SYT16: variants seen among roughly 807,000 people sequenced by gnomAD.
SYT16 encodes the protein synaptotagmin 16.
SYT16 carries 42 observed loss-of-function variants against 61.4 expected under a neutral mutation model. The ratio of observed to expected loss-of-function variants is 0.68; its 90% CI spans 0.53 to 0.89. The LOEUF is 0.89. Among genes scored for constraint, SYT16 ranks in the 40% least tolerant of loss-of-function variants. The pLI, the probability that SYT16 is intolerant of heterozygous loss-of-function variation, is 0.00. For missense variants in SYT16, 804 were observed against 807.3 expected (o/e 1.00, Z 0.05); for synonymous variants, 314 against 302.3 (o/e 1.04, Z -0.40).
intron 1 of SYT16, among the ~76,000 whole-genome samples, chr14:61,941,062 G>A (rs1419566095): frequency 6.6e-6 from 1 of 152,186 alleles, no homozygotes; most frequent in Non-Finnish European, 1.5e-5. Flanking sequence ...GGACGGGCAT[G>A]TTACAATGGG....
At chr14:61,989,418 C>G (rs1048154688) in intron 2 of SYT16, among the ~76,000 whole-genome samples, 1 of 152,030 alleles carries the variant, frequency 6.6e-6, no homozygotes, top group African/African-American at 2.4e-5. Flanking sequence ...CAAAAATTAG[C>G]CAGGCCTGAT....
chr14:62,095,408 A>G (rs1344511364), intron 7 of SYT16, among the ~76,000 whole-genome samples: 1 of 152,030 alleles, frequency 6.6e-6, no homozygotes, highest in Non-Finnish European at 1.5e-5. Context: ...GAAAATCTAT[A>G]AAGTAATATT....
At chr14:61,880,671 A>G (rs2047669829) in intron 1 of SYT16, among the ~76,000 whole-genome samples, 1 of 152,134 alleles carries the variant, frequency 6.6e-6, no homozygotes, top group Non-Finnish European at 1.5e-5. Context: ...TTATAGGTTA[A>G]ATACATATTT....
intron 1 of SYT16, among the ~76,000 whole-genome samples, chr14:61,870,713 T>C (rs1035297517): frequency 6.6e-6 from 1 of 152,220 alleles, no homozygotes. Context: ...CTAAATCTTC[T>C]ACAATAACTA....
At chr14:61,936,329 A>G (rs535937813) in intron 1 of SYT16, among the ~76,000 whole-genome samples, 2 of 152,068 alleles carry the variant, frequency 1.3e-5, no homozygotes, top group East Asian at 3.8e-4. Flanking sequence ...CAAAGAAAAA[A>G]GTACTGATAA....
At chr14:61,901,916 C>T (rs769039926) in intron 1 of SYT16, among the ~76,000 whole-genome samples, 17 of 151,978 alleles carry the variant, frequency 1.1e-4, no homozygotes, top group East Asian at 1.9e-4. Context: ...CACACTCCAC[C>T]ACTCCCAGCT....
chr14:61,920,091 C>G (rs1233286558), intron 1 of SYT16, among the ~76,000 whole-genome samples: 1 of 152,208 alleles, frequency 6.6e-6, no homozygotes, highest in Non-Finnish European at 1.5e-5. Context: ...TTTCACACGC[C>G]TGTGCCTTTG....
chr14:62,059,576 C>T (rs1384678159), intron 3 of SYT16, among the ~76,000 whole-genome samples: 3 of 151,204 alleles, frequency 2.0e-5, no homozygotes, highest in African/African-American at 4.9e-5. Flanking sequence ...ATCCTAAGGT[C>T]ACAAAAGATT....
chr14:61,888,400 G>A (rs964906636), intron 1 of SYT16, among the ~76,000 whole-genome samples: 1 of 152,150 alleles, frequency 6.6e-6, no homozygotes, highest in African/African-American at 2.4e-5. Context: ...TTACAGGCAT[G>A]AGCCACCATG....
intron 1 of SYT16, among the ~76,000 whole-genome samples, chr14:61,828,677 A>G (rs968131212): frequency 2.0e-5 from 3 of 152,244 alleles, no homozygotes; most frequent in African/African-American, 7.2e-5. Flanking sequence ...ACACAGAGTT[A>G]TACAGATTGT....
intron 3 of SYT16, among the ~76,000 whole-genome samples, chr14:62,062,312 G>A (rs748703481): frequency 4.6e-5 from 7 of 152,148 alleles, no homozygotes; most frequent in Non-Finnish European, 7.3e-5. Flanking sequence ...GGGGATGAGG[G>A]AGAATGAAGG....
At chr14:62,072,401 G>A (rs1203859766) in intron 4 of SYT16, among the ~76,000 whole-genome samples, 3 of 152,130 alleles carry the variant, frequency 2.0e-5, no homozygotes, top group East Asian at 1.9e-4. Context: ...GTGTGTGTGT[G>A]TACCCCAAGA....
In SYT16 at chr14:62,101,886, A is replaced by T. The variant is rs183232286; in HGVS notation, c.*1179A>T. ...TGGGCATGTGCCATTCAGAATACTG[A>T]TCTTGTATGGTTATGAGCATGGGAT... On this transcript the variant is annotated 3_prime_UTR_variant, in exon 8 of 8. Coordinates refer to ENST00000683842, the MANE Select transcript of SYT16 (RefSeq NM_001367656.1). 5.1e-4 allele frequency: 77 copies of T among 152,244 alleles called. No individual in the cohort carries two copies. The highest frequency in any genetic ancestry group is 1.9e-3 in the African/African-American group (77 of 41,538). The allele number at this position is 152,244 out of a possible 1,614,324, so 9.4% of individuals were successfully genotyped here. A position where few individuals can be genotyped will look rare whatever the true frequency, so the allele number is the denominator to read the frequency against.
chr14:61,893,994 A>G (rs574545804), intron 1 of SYT16, among the ~76,000 whole-genome samples: 27 of 152,256 alleles, frequency 1.8e-4, no homozygotes, highest in African/African-American at 6.0e-4. Context: ...GCTCAGGAAA[A>G]AAAGGCCTGG....
At chr14:61,913,834 A>G (rs1459862384) in intron 1 of SYT16, among the ~76,000 whole-genome samples, 1 of 152,116 alleles carries the variant, frequency 6.6e-6, no homozygotes, top group Non-Finnish European at 1.5e-5. Flanking sequence ...TCAGTTTAAA[A>G]GCCTGGGCCC....
chr14:61,996,333 C>G lies in SYT16; in HGVS notation c.314C>G (p.Ser105Ter), dbSNP rs2052768270. 1 of 1,613,360 alleles carries G rather than the reference C, an allele frequency of 6.2e-7. No homozygotes were observed. The highest frequency in any genetic ancestry group is 8.5e-7 in the Non-Finnish European group (1 of 1,179,484). Residue 105 changes from serine to a stop codon, truncating the protein, a stop_gained, in exon 3 of 8, where the codon TCA becomes TGA. Transcript: ENST00000683842. LOFTEE classifies it high-confidence loss of function. ...NSDLQDSAQN[S>*]SPSLSQHAKD... is the part of the protein sequence containing the mutation. Reference sequence around the variant, plus strand: ...GATTTGCAGGACTCTGCCCAAAATTCAAGCCCAAGCCTTAGCCAACATGCA... The same window carrying G: ...GATTTGCAGGACTCTGCCCAAAATTGAAGCCCAAGCCTTAGCCAACATGCA...
chr14:61,986,207 G>T (rs988816450), intron 2 of SYT16, among the ~76,000 whole-genome samples: 2 of 151,800 alleles, frequency 1.3e-5, no homozygotes, highest in African/African-American at 4.8e-5. Flanking sequence ...GATTATTATT[G>T]TTATTTATTA....
chr14:61,812,819 G>T lies in SYT16; in HGVS notation c.-325+9G>T, dbSNP rs1473939195. On this transcript the variant is annotated intron_variant, in intron 1 of 7. Coordinates refer to ENST00000683842, the MANE Select transcript of SYT16 (RefSeq NM_001367656.1). ...GACCATGGCGACTGACAGTGAGTGCGCTCCGGCCGCGGAGGCCAGGGGTGG... is the reference window on the plus strand; with the variant it reads ...GACCATGGCGACTGACAGTGAGTGCTCTCCGGCCGCGGAGGCCAGGGGTGG... The T allele has an allele frequency of 3.9e-5, 6 of 152,092 alleles. No homozygotes were observed. The highest frequency in any genetic ancestry group is 1.4e-4 in the African/African-American group (6 of 41,428). The allele number at this position is 152,092 out of a possible 1,614,324, so 9.4% of individuals were successfully genotyped here.
chr14:62,009,952 A>G (rs2140696401), intron 3 of SYT16, among the ~76,000 whole-genome samples: 1 of 152,272 alleles, frequency 6.6e-6, no homozygotes, highest in East Asian at 1.9e-4. Context: ...TGCTTCATGC[A>G]GTTGTAATCT....
Sources: gnomAD v4.1 joint callset for allele counts (sites outside exome capture counted in the v4.1 genomes callset) on GRCh38, gnomAD v4.1.1 for gene constraint, MANE v1.5 for transcripts, NCBI Gene and HGNC (gene_info 2026-07-23, HGNC 2026-07-21) for gene names.